MAN2A2: variants seen among roughly 807,000 people sequenced by gnomAD.
MAN2A2 encodes the protein alpha-mannosidase 2x.
In MAN2A2, 79 loss-of-function variants were observed where a neutral mutation model predicts 126.8. The ratio of observed to expected loss-of-function variants is 0.62; its 90% CI spans 0.52 to 0.75. The LOEUF is 0.75. Among genes scored for constraint, MAN2A2 ranks in the 30% least tolerant of loss-of-function variants. MAN2A2 has a pLI of 0.00. For synonymous variants in MAN2A2, 671 were observed against 618.7 expected, an observed-to-expected ratio of 1.08 and a Z score of -1.25; for missense variants, 1,392 against 1,522.4, an observed-to-expected ratio of 0.91 and a Z score of 1.43.
At chr15:90,916,067 GGTCA>G in intron 19 of MAN2A2, 52 bp from the exon 20 acceptor site, 1 of 1,589,204 alleles carries the variant, frequency 6.3e-7, no homozygotes, top group Non-Finnish European at 8.6e-7. Flanking sequence ...TCCTTTGAAA[GGTCA>G]GTGCCTGCTT....
rs531789786 is a variant in MAN2A2, at chr15:90,916,529, A to C, written c.2994+273A>C. The C allele has an allele frequency of 5.0e-6, 7 of 1,411,884 alleles. No homozygotes were observed. In the African/African-American group the frequency reaches 1.0e-4, roughly 20 times the overall value. The allele number at this position is 1,411,884 out of a possible 1,614,324, so 87.5% of individuals were successfully genotyped here. A position where few individuals can be genotyped will look rare whatever the true frequency, so the allele number is the denominator to read the frequency against. ...CTGCCCTCCTCTGCCCTGTCCCAGCATTCTCTAAGCCTGTGCTCCAACCCC... is the reference window on the plus strand; with the variant it reads ...CTGCCCTCCTCTGCCCTGTCCCAGCCTTCTCTAAGCCTGTGCTCCAACCCC... On this transcript the variant is annotated intron_variant, in intron 20 of 22. Coordinates refer to ENST00000559717, the MANE Select transcript of MAN2A2 (RefSeq NM_006122.4).
intron 22 of MAN2A2, among the ~76,000 whole-genome samples, 182 bp from the exon 23 acceptor site, chr15:90,919,453 G>A (rs1045760688): frequency 6.6e-6 from 1 of 152,218 alleles, no homozygotes; most frequent in Non-Finnish European, 1.5e-5. Context: ...TGGCCAGGCT[G>A]GTCTCGAACT....
At chr15:90,910,813 T>A in intron 11 of MAN2A2, 34 bp from the exon 12 acceptor site, 5 of 1,605,162 alleles carry the variant, frequency 3.1e-6, no homozygotes, top group Non-Finnish European at 4.3e-6. Flanking sequence ...CCTATGGTCA[T>A]CTTCTCTCCT....
intron 22 of MAN2A2, among the ~76,000 whole-genome samples, chr15:90,918,992 T>A (rs1369117885): frequency 6.6e-6 from 1 of 152,156 alleles, no homozygotes; most frequent in Non-Finnish European, 1.5e-5. Flanking sequence ...TCAAGCAAAG[T>A]GGAAAACACC....
chr15:90,902,964 CG>C (rs1389843526), upstream of MAN2A2: 5 of 151,450 alleles, frequency 3.3e-5, no homozygotes, highest in Non-Finnish European at 3.0e-5. Flanking sequence ...GCGCGGAGGC[CG>C]GGCGCTGACG....
chr15:90,907,461 C>T lies in MAN2A2; in HGVS notation c.1162C>T (p.Pro388Ser), dbSNP rs763139362. 2.5e-6 allele frequency: 4 copies of T among 1,613,324 alleles called. No individual in the cohort carries two copies. Among genetic ancestry groups the T allele is most frequent in the African/African-American group, 1.3e-5 (1 of 74,946 alleles). ...GRINCPWKVPPRAITEANVAE... is the reference protein window; with the variant it reads ...GRINCPWKVPSRAITEANVAE... ...CATCAACTGCCCTTGGAAGGTGCCACCCCGGGCCATCACAGAGGCCAACGT... is the reference window on the plus strand; with the variant it reads ...CATCAACTGCCCTTGGAAGGTGCCATCCCGGGCCATCACAGAGGCCAACGT... The change falls in exon 8 of 23, where the codon CCC (proline) becomes TCC (serine). Residue 388 changes from proline (P) to serine (S), a missense_variant. By Grantham distance (74) the Pro-to-Ser change is moderately conservative. Transcript: ENST00000559717.
At chr15:90,911,663 T>G (rs552322813) in intron 14 of MAN2A2, 113 bp downstream of exon 14, 17 of 1,197,424 alleles carry the variant, frequency 1.4e-5, no homozygotes, top group Admixed American at 2.6e-5. Context: ...CTCTCCAGGC[T>G]GAGGACAAGT....
In MAN2A2 at chr15:90,911,527, G is replaced by A. The variant is rs145725923; in HGVS notation, c.2086G>A (p.Glu696Lys). Residue 696 changes from glutamate to lysine, a missense_variant, in exon 14 of 23, where the codon GAG becomes AAG. By Grantham distance (56) the Glu-to-Lys change is moderately conservative. Transcript: ENST00000559717. ...QISAHWSSAT[E>K]AVPDVYQVSV... ...CAGCGCACACTGGAGCTCTGCCACC[G>A]AGGCGGTCCCTGACGTCTACCAGGT... 13 of 1,613,236 alleles carry A rather than the reference G, an allele frequency of 8.1e-6. No homozygotes were observed. Among genetic ancestry groups the A allele is most frequent in the African/African-American group, 8.0e-5 (6 of 75,050 alleles).
chr15:90,909,037 T>C (rs1163926006), intron 8 of MAN2A2, among the ~76,000 whole-genome samples: 2 of 152,196 alleles, frequency 1.3e-5, no homozygotes, highest in African/African-American at 4.8e-5. Flanking sequence ...CCCTTCACTT[T>C]GGTGCTGCAT....
chr15:90,913,186 C>T (rs575121891), intron 17 of MAN2A2, 87 bp from the exon 18 acceptor site: 3 of 1,499,008 alleles, frequency 2.0e-6, no homozygotes, highest in South Asian at 2.5e-5. Flanking sequence ...AGCCTCTCCC[C>T]AGCTCGGCTC....
intron 5 of MAN2A2, 71 bp from the exon 6 acceptor site, chr15:90,906,299 C>T: frequency 6.3e-7 from 1 of 1,596,150 alleles, no homozygotes; most frequent in Non-Finnish European, 8.5e-7. Context: ...CACACAGGCC[C>T]TGACATTTGC....
In MAN2A2 at chr15:90,904,337, C is replaced by T. The variant is rs776852590; in HGVS notation, c.130C>T (p.Arg44Trp). ...ACACCAGAATGGTGGGAACTTCCCC[C>T]GGGTGAGTCGTGCCTGGTTGCTAAT... is the stretch of plus-strand genomic sequence containing the variant. Reference protein sequence around the residue: ...TRHQNGGNFPRSQISVLQNRI... With the variant: ...TRHQNGGNFPWSQISVLQNRI... The change falls in exon 2 of 23, where the codon CGG becomes TGG. Residue 44 changes from arginine (R) to tryptophan (W), a missense_variant and splice_region_variant. Transcript: ENST00000559717. The T allele has an allele frequency of 1.9e-6, 3 of 1,613,236 alleles. No homozygotes were observed. Among genetic ancestry groups the T allele is most frequent in the Admixed American group, 3.3e-5 (2 of 59,998 alleles).
Position 90,906,403 on chromosome 15 carries a change from A to C in MAN2A2, c.741A>C (p.Thr247=). 1 of 1,614,166 alleles carries C rather than the reference A, an allele frequency of 6.2e-7. No homozygotes were observed. Residue 247 remains threonine, a synonymous_variant, in exon 6 of 23, where the codon ACA becomes ACC. Transcript: ENST00000559717. ...GAAACGGGCAGCTGGAGATTGCGAC[A>C]GGAGGCTGGGTGATGCCAGATGAGG... ...LVGNGQLEIA[T]GGWVMPDEAN... is the part of the protein sequence containing the mutation.
chr15:90,912,241 A>G lies in MAN2A2; in HGVS notation c.2308A>G (p.Met770Val), dbSNP rs202014022. Reference sequence around the variant, plus strand: ...CGACTTCGCCCTCAGCAACCGCTACATGCAGGTCTGGTTCTCAGGCCTTAC... The same window carrying G: ...CGACTTCGCCCTCAGCAACCGCTACGTGCAGGTCTGGTTCTCAGGCCTTAC... ...TSDFALSNRY[M>V]QVWFSGLTGL... Residue 770 changes from methionine (M) to valine (V), a missense_variant, in exon 15 of 23, where the codon ATG (methionine) becomes GTG (valine). Physicochemically the swap from Met to Val is conservative, Grantham distance 21 (BLOSUM62 1). Coordinates refer to ENST00000559717, the MANE Select transcript of MAN2A2 (RefSeq NM_006122.4). The G allele has an allele frequency of 3.5e-5, 57 of 1,614,118 alleles. No homozygotes were observed. Among genetic ancestry groups the G allele is most frequent in the Middle Eastern group, 1.6e-4 (1 of 6,084 alleles).
At chr15:90,902,648 C>A (rs530551334), upstream of MAN2A2, 2 of 151,770 alleles carry the variant, frequency 1.3e-5, no homozygotes, top group South Asian at 4.1e-4. Flanking sequence ...AGGAGCCGGG[C>A]GGGGACCGCG....
At chr15:90,906,608 C>T (rs1351776363) in intron 6 of MAN2A2, 111 bp downstream of exon 6, 3 of 1,571,614 alleles carry the variant, frequency 1.9e-6, no homozygotes, top group Admixed American at 3.4e-5. Flanking sequence ...CAGATCCCAC[C>T]ATGTGGGCCT....
Position 90,912,969 on chromosome 15 carries a change from G to A in MAN2A2, c.2562G>A (p.Ala854=), listed in dbSNP as rs370220086. 2.0e-5 allele frequency: 33 copies of A among 1,613,758 alleles called. No homozygotes were observed. Among genetic ancestry groups the A allele is most frequent in the African/African-American group, 2.7e-5 (2 of 74,890 alleles). ...CGTACTATGAGCACATTCACCAGGC[G>A]GTCCGGCTTTACAATCTGCCAGGTG... The part of the protein sequence containing the change: ...VVAYYEHIHQ[A]VRLYNLPGVE... The change falls in exon 17 of 23, where the codon GCG becomes GCA. Residue 854 remains alanine, a synonymous_variant. Coordinates refer to ENST00000559717, the MANE Select transcript of MAN2A2 (RefSeq NM_006122.4).
rs1386290172 is a variant in MAN2A2, at chr15:90,910,094, A to G, written c.1379A>G (p.Gln460Arg). 6.2e-7 allele frequency: 1 copy of G among 1,610,600 alleles called. No homozygotes were observed. The highest frequency in any genetic ancestry group is 8.5e-7 in the Non-Finnish European group (1 of 1,178,068). ...NSRPNLHVQAQFGTLSDYFDA... is the reference protein window; with the variant it reads ...NSRPNLHVQARFGTLSDYFDA... Reference sequence around the variant, plus strand: ...GGGTTTTTGGGGTTCCCACAGGCCCAGTTTGGCACTCTTTCTGACTATTTT... The same window carrying G: ...GGGTTTTTGGGGTTCCCACAGGCCCGGTTTGGCACTCTTTCTGACTATTTT... The change falls in exon 10 of 23, where the codon CAG becomes CGG. Residue 460 changes from glutamine (Q) to arginine (R), a missense_variant. Transcript: ENST00000559717.
At chr15:90,912,328 G>A in intron 15 of MAN2A2, 49 bp downstream of exon 15, 1 of 1,599,176 alleles carries the variant, frequency 6.3e-7, no homozygotes, top group Non-Finnish European at 8.6e-7. Flanking sequence ...AGTAGGGCGT[G>A]TGTGGTGGTG....
Sources: allele counts gnomAD v4.1 joint callset (sites outside exome capture counted in the v4.1 genomes callset), GRCh38; gene constraint gnomAD v4.1.1; transcripts MANE v1.5; gene names NCBI Gene and HGNC (gene_info 2026-07-23, HGNC 2026-07-21).